Variants in CDYL2 observed in about 807,000 individuals in gnomAD.
The protein encoded by CDYL2 is chromodomain Y like 2, also known as chromodomain Y-like protein 2.
CDYL2 carries 23 observed loss-of-function variants against 49.4 expected under a neutral mutation model. The observed-to-expected ratio is 0.47, with a 90% CI of 0.34 to 0.66. The LOEUF (loss-of-function observed/expected upper bound fraction) is 0.66. Among genes scored for constraint, CDYL2 ranks in the 30% least tolerant of loss-of-function variants. The pLI is 0.01. For missense variants in CDYL2, 678 were observed against 656.4 expected (o/e 1.03, Z -0.36); for synonymous variants, 360 against 268.8 (o/e 1.34, Z -3.32).
At chr16:80,724,585 T>A (rs1014460610) in intron 1 of CDYL2, among the ~76,000 whole-genome samples, 1 of 152,228 alleles carries the variant, frequency 6.6e-6, no homozygotes, top group African/African-American at 2.4e-5. Flanking sequence ...CTTCATGACC[T>A]GGCATGAACT....
intron 1 of CDYL2, chr16:80,738,653 T>G (rs1905625982): frequency 6.6e-6 from 1 of 152,202 alleles, no homozygotes; most frequent in South Asian, 2.1e-4. Flanking sequence ...ATACCGTTTC[T>G]TTTTCAGGTG....
At chr16:80,625,845 CT>C (rs1253059450) in intron 3 of CDYL2, among the ~76,000 whole-genome samples, 1 of 152,148 alleles carries the variant, frequency 6.6e-6, no homozygotes, top group Non-Finnish European at 1.5e-5. Flanking sequence ...AAATTCTTCA[CT>C]CAGCTAAATT....
At chr16:80,621,038 G>C (rs1005936104) in intron 3 of CDYL2, 103 bp from the exon 4 acceptor site, 11 of 1,308,998 alleles carry the variant, frequency 8.4e-6, no homozygotes, top group Non-Finnish European at 1.0e-5. Flanking sequence ...TGAGGGTAGA[G>C]GCCAGGGAAT....
intron 2 of CDYL2, among the ~76,000 whole-genome samples, chr16:80,669,684 G>T (rs1386065399): frequency 6.6e-6 from 1 of 152,180 alleles, no homozygotes; most frequent in South Asian, 2.1e-4. Context: ...GGCTGGCTTT[G>T]TGGCCTCAGG....
At chr16:80,791,645 C>A (rs151174497) in intron 1 of CDYL2, among the ~76,000 whole-genome samples, 2 of 152,062 alleles carry the variant, frequency 1.3e-5, no homozygotes, top group African/African-American at 4.8e-5. Context: ...GGATTGGTAA[C>A]GGACAGTGTC....
At chr16:80,633,739 G>A (rs894400617) in intron 2 of CDYL2, among the ~76,000 whole-genome samples, 2 of 152,158 alleles carry the variant, frequency 1.3e-5, no homozygotes, top group African/African-American at 4.8e-5. Context: ...TTCCTCAGGC[G>A]CTGCCTTGAG....
chr16:80,666,351 T>C (rs966225920), intron 2 of CDYL2, among the ~76,000 whole-genome samples: 2 of 152,196 alleles, frequency 1.3e-5, no homozygotes, highest in African/African-American at 4.8e-5. Context: ...ATGTCCTATG[T>C]TACCATCAAG....
chr16:80,623,188 C>A (rs1023625885), intron 3 of CDYL2, among the ~76,000 whole-genome samples: 1 of 151,976 alleles, frequency 6.6e-6, no homozygotes, highest in African/African-American at 2.4e-5. Context: ...AGTCTAAAGC[C>A]CCAGCCCCGA....
At chr16:80,637,456 A>G (rs74028368) in intron 2 of CDYL2, among the ~76,000 whole-genome samples, 23,979 of 152,188 alleles carry the variant, frequency 0.16, 2,333 homozygotes, top group Admixed American at 0.29. Flanking sequence ...AGAAATAAAT[A>G]AAACGATTTT....
intron 1 of CDYL2, among the ~76,000 whole-genome samples, chr16:80,768,650 G>A (rs918360757): frequency 6.6e-6 from 1 of 152,142 alleles, no homozygotes; most frequent in Non-Finnish European, 1.5e-5. Flanking sequence ...TCCCCTTTGG[G>A]TAGGATTTCA....
In CDYL2 at chr16:80,600,163, A is replaced by G. The variant is rs545777281; in HGVS notation, c.*4225T>C. On this transcript the variant is annotated 3_prime_UTR_variant, in exon 7 of 7. Transcript: ENST00000570137. The stretch of plus-strand genomic sequence containing the variant: ...TAAGGCTTATTCACAAATTCAATAC[A>G]TTTTGAAATTATACTTCAAACGCAA... 2.0e-5 allele frequency: 3 copies of G among 152,324 alleles called. No homozygotes were observed. The East Asian group carries it at 5.8e-4, about 29-fold the overall frequency. The allele number at this position is 152,324 out of a possible 1,614,324, so 9.4% of individuals were successfully genotyped here.
Position 80,604,374 on chromosome 16 carries a change from T to G in CDYL2, c.*14A>C. On this transcript the variant is annotated 3_prime_UTR_variant, in exon 7 of 7. Coordinates refer to ENST00000570137, the MANE Select transcript of CDYL2 (RefSeq NM_152342.4). ...GGCAGAGCTGGAAGTTGGGGGCCCG[T>G]GAGCTGGGGCCCCTCAGACTTCATA... 1 of 1,613,686 alleles carries G rather than the reference T, an allele frequency of 6.2e-7. No individual in the cohort carries two copies. The highest frequency in any genetic ancestry group is 8.5e-7 in the Non-Finnish European group (1 of 1,179,824).
rs779305707 is a variant in CDYL2, at chr16:80,661,699, T to G, written c.616+22839A>C. 1.1e-3 allele frequency among the ~76,000 whole-genome samples: 175 copies of G among 152,310 alleles called. 2 individuals are homozygous for G. Among genetic ancestry groups the G allele is most frequent in the Non-Finnish European group, 3.8e-4 (26 of 68,028 alleles). ...TCTGCTTTTGTTTTCCAGAGCCTAG[T>G]CTTTGCTGAACAAAGGAGGAAAGAA... On this transcript the variant is annotated intron_variant, in intron 2 of 6. Coordinates refer to ENST00000570137, the MANE Select transcript of CDYL2 (RefSeq NM_152342.4).
chr16:80,672,427 T>C (rs1258870807), intron 2 of CDYL2, among the ~76,000 whole-genome samples: 2 of 144,544 alleles, frequency 1.4e-5, no homozygotes, highest in East Asian at 2.0e-4. Context: ...CAGTCAGATA[T>C]CACAGGATAA....
chr16:80,669,133 ATTT>A (rs1004438176), intron 2 of CDYL2, among the ~76,000 whole-genome samples: 1 of 151,150 alleles, frequency 6.6e-6, no homozygotes, highest in African/African-American at 2.4e-5. Flanking sequence ...GCAGTAAAAG[ATTT>A]TTTTTTAAGT....
intron 1 of CDYL2, among the ~76,000 whole-genome samples, chr16:80,721,335 G>A (rs1904991883): frequency 6.6e-6 from 1 of 152,148 alleles, no homozygotes; most frequent in Non-Finnish European, 1.5e-5. Flanking sequence ...AAAAATTAAA[G>A]GGTTTGCCTG....
chr16:80,772,789 C>G (rs969317723), intron 1 of CDYL2, among the ~76,000 whole-genome samples: 2 of 151,876 alleles, frequency 1.3e-5, no homozygotes, highest in African/African-American at 2.4e-5. Context: ...CTCAAGTATA[C>G]ATATTGTAAT....
At position 80,598,831 on chromosome 16, in the gene CDYL2, C is replaced by T. The variant is rs997403369; in HGVS notation, c.*5557G>A. On this transcript the variant is annotated 3_prime_UTR_variant, in exon 7 of 7. Transcript: ENST00000570137. ...GTGGAAGTCAGCAGTTTCTCTGCAC[C>T]ATCAAGCATGCACATATCTGTCTAG... is the stretch of plus-strand genomic sequence containing the variant. 11 of 152,126 alleles carry T rather than the reference C, an allele frequency of 7.2e-5. No homozygotes were observed. Among genetic ancestry groups the T allele is most frequent in the Admixed American group, 7.2e-4 (11 of 15,280 alleles). The allele number at this position is 152,126 out of a possible 1,614,324, so 9.4% of individuals were successfully genotyped here. A position where few individuals can be genotyped will look rare whatever the true frequency, so the allele number is the denominator to read the frequency against.
chr16:80,677,217 T>C (rs570353403), intron 2 of CDYL2, among the ~76,000 whole-genome samples: 4,132 of 152,064 alleles, frequency 0.027, 89 homozygotes, highest in African/African-American at 0.057. Flanking sequence ...AGCTATCCAC[T>C]GCCTCAGCCT....
Sources: allele counts gnomAD v4.1 joint callset (sites outside exome capture counted in the v4.1 genomes callset), GRCh38; gene constraint gnomAD v4.1.1; transcripts MANE v1.5; gene names NCBI Gene and HGNC (gene_info 2026-07-23, HGNC 2026-07-21).